SLC27A6: variants seen among roughly 807,000 people sequenced by gnomAD.
SLC27A6 encodes long-chain fatty acid transport protein 6.
In SLC27A6, 74 loss-of-function variants were observed where a neutral mutation model predicts 63.9. That is an observed-to-expected ratio of 1.16 (90% CI 0.96 to 1.40). The LOEUF (loss-of-function observed/expected upper bound fraction) is 1.40, where lower values mean the gene tolerates loss of function less well. SLC27A6 is among the 40% of genes most tolerant of loss of function. SLC27A6 has a pLI of 0.00. For synonymous variants in SLC27A6, 287 were observed against 260.8 expected (o/e 1.10, Z -0.97); for missense variants, 794 against 732.9 (o/e 1.08, Z -0.96).
intron 1 of SLC27A6, among the ~76,000 whole-genome samples, chr5:128,983,398 T>C (rs2150133271): frequency 6.7e-6 from 1 of 149,016 alleles, no homozygotes; most frequent in Non-Finnish European, 1.5e-5. Context: ...GTTCAAGCGA[T>C]TCTCCTGCCT....
At chr5:129,028,604 A>G (rs1357346605) in intron 8 of SLC27A6, among the ~76,000 whole-genome samples, 162 bp downstream of exon 8, 1 of 151,522 alleles carries the variant, frequency 6.6e-6, no homozygotes, top group African/African-American at 2.4e-5. Flanking sequence ...AAGCTAACAA[A>G]GTTCATGATC....
chr5:128,990,086 T>G (rs947849222), intron 3 of SLC27A6, among the ~76,000 whole-genome samples: 6 of 152,242 alleles, frequency 3.9e-5, no homozygotes, highest in Non-Finnish European at 7.3e-5. Context: ...TTACTTATTT[T>G]GACTGTTGCT....
chr5:128,974,103 G>C (rs1473011704), intron 1 of SLC27A6, among the ~76,000 whole-genome samples: 2 of 152,182 alleles, frequency 1.3e-5, no homozygotes, highest in African/African-American at 4.8e-5. Context: ...GGTTTCCTGA[G>C]AGATTCGTCT....
chr5:128,987,334 T>G (rs1277427810), intron 2 of SLC27A6, among the ~76,000 whole-genome samples: 2 of 152,140 alleles, frequency 1.3e-5, no homozygotes, highest in Non-Finnish European at 2.9e-5. Context: ...AACCAACTAG[T>G]AAATAAGTAT....
chr5:129,023,598 T>C, intron 5 of SLC27A6, 22 bp from the exon 6 acceptor site: 1 of 1,532,040 alleles, frequency 6.5e-7, no homozygotes, highest in Non-Finnish European at 8.9e-7. Context: ...TGTTTCTATT[T>C]GTTTGATTTT....
intron 1 of SLC27A6, among the ~76,000 whole-genome samples, chr5:128,973,434 C>T (rs1183956269): frequency 2.0e-5 from 3 of 152,192 alleles, no homozygotes; most frequent in South Asian, 2.1e-4. Context: ...CCACCCAGTT[C>T]GATCTTCCGC....
chr5:129,026,027 T>A (rs1752232873), intron 6 of SLC27A6, among the ~76,000 whole-genome samples: 1 of 152,114 alleles, frequency 6.6e-6, no homozygotes, highest in South Asian at 2.1e-4. Flanking sequence ...CCCAGCTACT[T>A]GGGAAGTTGA....
intron 4 of SLC27A6, among the ~76,000 whole-genome samples, 165 bp downstream of exon 4, chr5:128,990,629 G>A (rs576887183): frequency 6.6e-6 from 1 of 152,130 alleles, no homozygotes; most frequent in African/African-American, 2.4e-5. Context: ...GTGGCGGGCA[G>A]CTCCCAAGAT....
Position 129,027,184 on chromosome 5 carries a change from G to A in SLC27A6, c.1307G>A (p.Gly436Asp). The A allele has an allele frequency of 6.2e-7, 1 of 1,613,428 alleles. No individual in the cohort carries two copies. Among genetic ancestry groups the A allele is most frequent in the South Asian group, 1.1e-5 (1 of 91,060 alleles). ...GTGAATGCAAAAAATCCCTTCTTTGGCTATGCTGGGCCTTATAAGCACACA... is the reference window on the plus strand; with the variant it reads ...GTGAATGCAAAAAATCCCTTCTTTGACTATGCTGGGCCTTATAAGCACACA... ...SRVNAKNPFF[G>D]YAGPYKHTKD... The change falls in exon 7 of 10, where the codon GGC becomes GAC. Residue 436 changes from glycine (G) to aspartate (D), a missense_variant. By Grantham distance (94) the Gly-to-Asp change is moderately conservative. Transcript: ENST00000262462.
At chr5:128,997,786 A>T (rs1375530411) in intron 4 of SLC27A6, among the ~76,000 whole-genome samples, 1 of 152,192 alleles carries the variant, frequency 6.6e-6, no homozygotes, top group East Asian at 1.9e-4. Flanking sequence ...TGGCTACGGA[A>T]TCTAATGACA....
At chr5:128,996,506 A>G (rs1366482933) in intron 4 of SLC27A6, among the ~76,000 whole-genome samples, 1 of 152,164 alleles carries the variant, frequency 6.6e-6, no homozygotes, top group Non-Finnish European at 1.5e-5. Flanking sequence ...ATTCATTTTT[A>G]AACTTTACAA....
intron 4 of SLC27A6, among the ~76,000 whole-genome samples, chr5:129,010,166 A>G (rs904492483): frequency 2.0e-5 from 3 of 152,184 alleles, no homozygotes; most frequent in Admixed American, 1.3e-4. Flanking sequence ...GAAATTATAT[A>G]TATGCATTCT....
At chr5:129,007,301 A>G (rs1205634095) in intron 4 of SLC27A6, among the ~76,000 whole-genome samples, 3 of 151,776 alleles carry the variant, frequency 2.0e-5, no homozygotes, top group East Asian at 1.9e-4. Flanking sequence ...AAAATTAGCC[A>G]GGTGTGGTGG....
intron 1 of SLC27A6, among the ~76,000 whole-genome samples, chr5:128,982,700 T>C (rs1450490391): frequency 6.6e-6 from 1 of 152,248 alleles, no homozygotes; most frequent in South Asian, 2.1e-4. Flanking sequence ...CAGTTTTTCA[T>C]GTTTCTAACT....
chr5:129,005,877 G>GCTA (rs1397909347), intron 4 of SLC27A6, among the ~76,000 whole-genome samples: 1 of 151,562 alleles, frequency 6.6e-6, no homozygotes, highest in Non-Finnish European at 1.5e-5. Context: ...CCCCCAAAGT[G>GCTA]CTAGGATTAC....
chr5:129,008,801 G>A (rs78559579), intron 4 of SLC27A6, among the ~76,000 whole-genome samples: 2,915 of 151,888 alleles, frequency 0.019, 95 homozygotes, highest in African/African-American at 0.067. Flanking sequence ...TAGGTCTAAG[G>A]AAATCAACAA....
chr5:128,996,586 T>C (rs1751169189), intron 4 of SLC27A6, among the ~76,000 whole-genome samples: 1 of 152,172 alleles, frequency 6.6e-6, no homozygotes, highest in South Asian at 2.1e-4. Context: ...TTACAGGTTT[T>C]TTTTTATTAT....
At chr5:129,005,528 A>G (rs1342164116) in intron 4 of SLC27A6, among the ~76,000 whole-genome samples, 1 of 151,892 alleles carries the variant, frequency 6.6e-6, no homozygotes, top group East Asian at 1.9e-4. Context: ...TGTGGGTTAT[A>G]CTGTCTTTCT....
chr5:129,025,721 T>TATG lies in SLC27A6; in HGVS notation c.1256-1390_1256-1388dup, dbSNP rs562276860. On this transcript the variant is annotated intron_variant, in intron 6 of 9. Coordinates refer to ENST00000262462, the MANE Select transcript of SLC27A6 (RefSeq NM_001017372.3). ...TGATATGATGATATGATGGTGATGA[T>TATG]ATGATGATGATGATGATGATGATGC... 4.6e-3 allele frequency among the ~76,000 whole-genome samples: 692 copies of TATG among 151,830 alleles called. 5 individuals carry two copies. Among genetic ancestry groups the TATG allele is most frequent in the African/African-American group, 0.014 (599 of 41,448 alleles).
Sources: allele counts gnomAD v4.1 joint callset (sites outside exome capture counted in the v4.1 genomes callset), GRCh38; gene constraint gnomAD v4.1.1; transcripts MANE v1.5; gene names NCBI Gene and HGNC (gene_info 2026-07-23, HGNC 2026-07-21).